The following HMG20A variants were observed in gnomAD, a reference collection of about 807,000 sequenced individuals.
HMG20A encodes high mobility group 20A, also known as high mobility group protein 20A.
A neutral mutation model predicts 43.9 loss-of-function variants in HMG20A; 17 were observed. That is an observed-to-expected ratio of 0.39 (90% CI 0.27 to 0.58). The LOEUF (loss-of-function observed/expected upper bound fraction) is 0.58. Among genes scored for constraint, HMG20A ranks in the 20% least tolerant of loss-of-function variants. The pLI is 0.59. For synonymous variants in HMG20A, 132 were observed against 147.5 expected (o/e 0.89, Z 0.76); for missense variants, 341 against 438.2 (o/e 0.78, Z 1.98).
the HMG20A span, among the ~76,000 whole-genome samples, chr15:77,492,583 T>C: frequency 6.6e-6 from 1 of 151,986 alleles, no homozygotes; most frequent in Non-Finnish European, 1.5e-5. Flanking sequence ...TTTGGGAGGC[T>C]GAGGCAGGAG....
At chr15:77,428,301 G>A (rs769105873) in intron 1 of HMG20A, among the ~76,000 whole-genome samples, 2 of 152,188 alleles carry the variant, frequency 1.3e-5, no homozygotes, top group African/African-American at 2.4e-5. Context: ...GAAAAGCAAC[G>A]GCCTTTGGGT....
chr15:77,456,174 A>G (rs2072652381), intron 1 of HMG20A, among the ~76,000 whole-genome samples: 1 of 152,206 alleles, frequency 6.6e-6, no homozygotes, highest in Non-Finnish European at 1.5e-5. Context: ...AGGTTATGTT[A>G]TCCAGCTGCC....
At chr15:77,428,882 C>T (rs529190375) in intron 1 of HMG20A, among the ~76,000 whole-genome samples, 138 of 150,632 alleles carry the variant, frequency 9.2e-4, no homozygotes, top group African/African-American at 3.2e-3. Flanking sequence ...CAGAGGATCG[C>T]ATAAGCCCAG....
intron 3 of HMG20A, among the ~76,000 whole-genome samples, chr15:77,466,226 C>T (rs1453368400): frequency 6.6e-6 from 1 of 152,120 alleles, no homozygotes; most frequent in Non-Finnish European, 1.5e-5. Flanking sequence ...ACTGAAAATA[C>T]AAAAATTAGC....
chr15:77,501,535 C>A, the HMG20A span, among the ~76,000 whole-genome samples: 1 of 152,232 alleles, frequency 6.6e-6, no homozygotes, highest in South Asian at 2.1e-4. Flanking sequence ...AGAGCTCCGA[C>A]CTGGGTTGCA....
At chr15:77,450,165 T>C (rs2142310745) in intron 1 of HMG20A, among the ~76,000 whole-genome samples, 1 of 152,328 alleles carries the variant, frequency 6.6e-6, no homozygotes, top group South Asian at 2.1e-4. Context: ...AGTCTTGCTT[T>C]GTCGCCCAGG....
At chr15:77,439,448 G>A (rs549696203) in intron 1 of HMG20A, among the ~76,000 whole-genome samples, 14 of 152,010 alleles carry the variant, frequency 9.2e-5, no homozygotes, top group African/African-American at 3.4e-4. Context: ...TCACTATACG[G>A]TTGTTTTACT....
At chr15:77,443,866 A>G (rs186161554) in intron 1 of HMG20A, among the ~76,000 whole-genome samples, 30 of 152,004 alleles carry the variant, frequency 2.0e-4, no homozygotes, top group Non-Finnish European at 1.3e-4. Flanking sequence ...GCGTGCCCCC[A>G]TGCCCAGATA....
chr15:77,457,071 T>C (rs886693330), intron 1 of HMG20A, among the ~76,000 whole-genome samples: 2 of 152,238 alleles, frequency 1.3e-5, no homozygotes, highest in African/African-American at 4.8e-5. Flanking sequence ...GAGATGTGTT[T>C]TTCCCATCAA....
At chr15:77,482,204 A>T (rs1428364890) in intron 9 of HMG20A, 1 of 152,210 alleles carries the variant, frequency 6.6e-6, no homozygotes, top group Non-Finnish European at 1.5e-5. Flanking sequence ...AAAATCCTGA[A>T]ATAGAGCATT....
At chr15:77,506,210 C>T in the HMG20A span, among the ~76,000 whole-genome samples, 1 of 151,960 alleles carries the variant, frequency 6.6e-6, no homozygotes, top group Non-Finnish European at 1.5e-5. Context: ...TGGGCATCCT[C>T]TATTTTATCT....
At chr15:77,502,496 T>C in the HMG20A span, among the ~76,000 whole-genome samples, 57 of 152,326 alleles carry the variant, frequency 3.7e-4, no homozygotes, top group African/African-American at 1.3e-3. Context: ...TCCAAATCCC[T>C]CTGCTAACAC....
At chr15:77,480,351 C>T (rs187416776) in intron 9 of HMG20A, among the ~76,000 whole-genome samples, 498 of 152,040 alleles carry the variant, frequency 3.3e-3, no homozygotes, top group Non-Finnish European at 5.9e-3. Flanking sequence ...CAGTGGCTCA[C>T]ACCTGTAGTC....
At chr15:77,437,266 A>G (rs1330957415) in intron 1 of HMG20A, among the ~76,000 whole-genome samples, 2 of 152,206 alleles carry the variant, frequency 1.3e-5, no homozygotes, top group African/African-American at 4.8e-5. Context: ...TCATGAGGGC[A>G]GAGACAATTT....
At chr15:77,463,533 C>T (rs890106380) in intron 2 of HMG20A, among the ~76,000 whole-genome samples, 1 of 152,192 alleles carries the variant, frequency 6.6e-6, no homozygotes, top group African/African-American at 2.4e-5. Context: ...TCTATTCCTT[C>T]GTCCACATGT....
intron 4 of HMG20A, among the ~76,000 whole-genome samples, chr15:77,468,632 T>C (rs2072779640): frequency 6.9e-6 from 1 of 144,178 alleles, no homozygotes; most frequent in East Asian, 1.9e-4. Flanking sequence ...CACACTTGCA[T>C]GTGTACACCC....
At chr15:77,479,157 C>G (rs200340480) in intron 8 of HMG20A, 22 bp from the exon 9 acceptor site, 2 of 1,612,016 alleles carry the variant, frequency 1.2e-6, no homozygotes, top group Non-Finnish European at 1.7e-6. Flanking sequence ...GATTTTCTTA[C>G]TTTCTTCTTA....
At chr15:77,475,453 G>T (rs1469509224) in intron 6 of HMG20A, among the ~76,000 whole-genome samples, 3 of 152,236 alleles carry the variant, frequency 2.0e-5, no homozygotes, top group Admixed American at 2.0e-4. Context: ...GAAGAGAAAA[G>T]ATTACCAGTC....
At chr15:77,455,459 G>A (rs1301620991) in intron 1 of HMG20A, among the ~76,000 whole-genome samples, 1 of 151,510 alleles carries the variant, frequency 6.6e-6, no homozygotes, top group East Asian at 1.9e-4. Context: ...AGTGTTAGAG[G>A]GAATTTTGGG....
Sources: gnomAD v4.1 joint callset for allele counts (sites outside exome capture counted in the v4.1 genomes callset) on GRCh38, gnomAD v4.1.1 for gene constraint, MANE v1.5 for transcripts, NCBI Gene and HGNC (gene_info 2026-07-23, HGNC 2026-07-21) for gene names.